CHLSN: variants seen among roughly 807,000 people sequenced by gnomAD.
CHLSN encodes protein cholesin.
At chr7:997,937 G>A in the CHLSN span, 1 of 764,510 alleles carries the variant, frequency 1.3e-6, no homozygotes, top group African/African-American at 1.8e-5. Flanking sequence ...CGAGGGTGTG[G>A]GCGGCCTGGC....
At chr7:1,119,358 G>A in the CHLSN span, among the ~76,000 whole-genome samples, 5 of 152,346 alleles carry the variant, frequency 3.3e-5, no homozygotes, top group South Asian at 4.1e-4. Context: ...GCCAAGGCAG[G>A]AGGCTTGCTT....
chr7:1,061,670 G>C, the CHLSN span, among the ~76,000 whole-genome samples: 1 of 152,070 alleles, frequency 6.6e-6, no homozygotes, highest in Non-Finnish European at 1.5e-5. Context: ...ATCACACACA[G>C]AACACAAGAA....
the CHLSN span, among the ~76,000 whole-genome samples, chr7:1,135,059 G>T: frequency 6.6e-6 from 1 of 152,070 alleles, no homozygotes; most frequent in Non-Finnish European, 1.5e-5. Flanking sequence ...TTGGACTGTT[G>T]ATCCTTCCTT....
At chr7:1,008,601 G>A in the CHLSN span, among the ~76,000 whole-genome samples, 1 of 152,122 alleles carries the variant, frequency 6.6e-6, no homozygotes, top group Non-Finnish European at 1.5e-5. Context: ...TGACCCCCAA[G>A]GCAGCCTCAG....
the CHLSN span, chr7:1,092,588 C>T: frequency 3.6e-5 from 58 of 1,611,232 alleles, no homozygotes; most frequent in Middle Eastern, 1.6e-4. Context: ...CTGCAGCGGA[C>T]GCAGCCTGGG....
chr7:997,577 C>T, the CHLSN span: 1 of 1,424,816 alleles, frequency 7.0e-7, no homozygotes, highest in Non-Finnish European at 9.2e-7. Flanking sequence ...CCTGTGTGGT[C>T]TGAGGCAGCC....
chr7:980,123 T>C, the CHLSN span, among the ~76,000 whole-genome samples: 1 of 152,190 alleles, frequency 6.6e-6, no homozygotes, highest in Non-Finnish European at 1.5e-5. Context: ...TGCGGCCATC[T>C]CTGGAAGCCG....
At chr7:1,068,060 C>T in the CHLSN span, among the ~76,000 whole-genome samples, 10 of 152,168 alleles carry the variant, frequency 6.6e-5, no homozygotes, top group African/African-American at 9.7e-5. Context: ...AACGGTCCTG[C>T]GCACCAGGCT....
the CHLSN span, among the ~76,000 whole-genome samples, chr7:981,866 A>G: frequency 5.3e-5 from 8 of 151,970 alleles, no homozygotes; most frequent in African/African-American, 1.9e-4. Flanking sequence ...CCATTTCTAC[A>G]TAAATAAATA....
At chr7:997,793 C>T in the CHLSN span, 2 of 1,604,884 alleles carry the variant, frequency 1.2e-6, no homozygotes, top group South Asian at 2.2e-5. Context: ...TGGAGAAGTG[C>T]TCATCGGGAA....
At chr7:1,021,305 G>A in the CHLSN span, 259 of 883,684 alleles carry the variant, frequency 2.9e-4, no homozygotes, top group Non-Finnish European at 3.4e-4. Flanking sequence ...GCACCCATGG[G>A]GCAGGTTTCT....
At chr7:1,055,311 A>G in the CHLSN span, 17 of 471,024 alleles carry the variant, frequency 3.6e-5, no homozygotes, top group Non-Finnish European at 7.0e-5. Context: ...GGGCCCTCAC[A>G]CGCACGCGCA....
At chr7:1,007,968 C>T in the CHLSN span, among the ~76,000 whole-genome samples, 2 of 152,122 alleles carry the variant, frequency 1.3e-5, no homozygotes, top group Non-Finnish European at 2.9e-5. Context: ...CCTCTCCTGC[C>T]CACGTCCCCA....
the CHLSN span, among the ~76,000 whole-genome samples, chr7:994,577 G>C: frequency 6.6e-6 from 1 of 152,084 alleles, no homozygotes; most frequent in Non-Finnish European, 1.5e-5. Context: ...CCGAGTAGCT[G>C]TGACTTCAGA....
At chr7:1,071,029 CAT>C in the CHLSN span, among the ~76,000 whole-genome samples, 3 of 152,254 alleles carry the variant, frequency 2.0e-5, no homozygotes, top group Admixed American at 2.0e-4. Flanking sequence ...CATGCACACA[CAT>C]GTACATGCAG....
chr7:1,016,984 G>GCACAGCAGCA, the CHLSN span, among the ~76,000 whole-genome samples: 4 of 63,492 alleles, frequency 6.3e-5, no homozygotes, highest in African/African-American at 3.6e-4. Flanking sequence ...ACACACCAGC[G>GCACAGCAGCA]CACAGCAGCG....
the CHLSN span, among the ~76,000 whole-genome samples, chr7:1,135,299 A>C: frequency 1.3e-5 from 2 of 151,052 alleles, no homozygotes; most frequent in Non-Finnish European, 2.9e-5. Context: ...TCCTTCAACT[A>C]CACGCCAACT....
At chr7:1,078,391 G>A in the CHLSN span, among the ~76,000 whole-genome samples, 1 of 152,030 alleles carries the variant, frequency 6.6e-6, no homozygotes, top group Non-Finnish European at 1.5e-5. Flanking sequence ...CCCAGAAGAC[G>A]AAGGCCTGCG....
the CHLSN span, chr7:987,639 C>T: frequency 7.2e-6 from 8 of 1,112,742 alleles, no homozygotes; most frequent in South Asian, 5.1e-5. Context: ...GATGGCCCAG[C>T]GCTCCCCGAC....
Sources: gnomAD v4.1 joint callset for allele counts (sites outside exome capture counted in the v4.1 genomes callset) on GRCh38, gnomAD v4.1.1 for gene constraint, MANE v1.5 for transcripts, NCBI Gene and HGNC (gene_info 2026-07-23, HGNC 2026-07-21) for gene names.